The following TCF12 variants were observed in gnomAD, a reference collection of about 807,000 sequenced individuals.
TCF12 encodes the protein transcription factor 12, also known as DNA-binding protein HTF4.
In TCF12, 45 loss-of-function variants were observed where a neutral mutation model predicts 86.0. The observed-to-expected ratio is 0.52, with a 90% CI of 0.41 to 0.67. The LOEUF (loss-of-function observed/expected upper bound fraction) is 0.67. Among genes scored for constraint, TCF12 ranks in the 30% least tolerant of loss-of-function variants. The pLI, the probability that TCF12 is intolerant of heterozygous loss-of-function variation, is 0.00. For synonymous variants in TCF12, 330 were observed against 299.6 expected (o/e 1.10, Z -1.05); for missense variants, 881 against 859.9 (o/e 1.02, Z -0.31).
intron 3 of TCF12, among the ~76,000 whole-genome samples, chr15:56,938,561 G>A (rs781274647): frequency 6.6e-6 from 1 of 151,762 alleles, no homozygotes; most frequent in African/African-American, 2.4e-5. Flanking sequence ...TCTGTCTTAT[G>A]GAATAGTGTG....
chr15:57,008,126 G>A (rs544187717), intron 3 of TCF12, among the ~76,000 whole-genome samples: 2 of 149,412 alleles, frequency 1.3e-5, no homozygotes, highest in South Asian at 4.2e-4. Context: ...AGGCCTGGCT[G>A]ATTTCTTTTT....
At position 57,202,664 on chromosome 15, in the gene TCF12, C is replaced by T. The variant is rs544325533; in HGVS notation, c.579+4839C>T. On this transcript the variant is annotated intron_variant, in intron 8 of 20. Transcript: ENST00000333725. ...TATAGCCAGGATGGTCTCGATCTCCCGACCTCCTGATCCACCTACCTCAGC... is the reference window on the plus strand; with the variant it reads ...TATAGCCAGGATGGTCTCGATCTCCTGACCTCCTGATCCACCTACCTCAGC... 4.0e-5 allele frequency among the ~76,000 whole-genome samples: 6 copies of T among 151,450 alleles called. No individual in the cohort carries two copies. In the South Asian group the frequency reaches 8.4e-4, roughly 21 times the overall value.
At chr15:57,124,859 T>G (rs1051173032) in intron 5 of TCF12, among the ~76,000 whole-genome samples, 2 of 129,620 alleles carry the variant, frequency 1.5e-5, no homozygotes, top group African/African-American at 5.9e-5. Flanking sequence ...TTTTTTGTAT[T>G]TTTAGTAGAG....
At chr15:57,161,172 G>A (rs1289824099) in intron 5 of TCF12, among the ~76,000 whole-genome samples, 1 of 152,172 alleles carries the variant, frequency 6.6e-6, no homozygotes, top group Non-Finnish European at 1.5e-5. Context: ...CACTGTGACT[G>A]CCGATTGTAT....
intron 6 of TCF12, among the ~76,000 whole-genome samples, chr15:57,169,041 G>A (rs2055110373): frequency 1.3e-5 from 2 of 152,048 alleles, no homozygotes; most frequent in African/African-American, 2.4e-5. Flanking sequence ...GGGAGATTCT[G>A]TCTCAAAAAT....
intron 5 of TCF12, among the ~76,000 whole-genome samples, chr15:57,104,435 C>T (rs201668710): frequency 4.6e-3 from 470 of 103,290 alleles, no homozygotes; most frequent in African/African-American, 6.4e-3. Context: ...TTTTTTTTTT[C>T]TTTTTTTTTT....
At chr15:56,962,492 G>C (rs2543680) in intron 3 of TCF12, among the ~76,000 whole-genome samples, 3,780 of 152,262 alleles carry the variant, frequency 0.025, 154 homozygotes, top group African/African-American at 0.086. Context: ...TTTATTGGCA[G>C]TGGGGACAGT....
chr15:57,130,249 A>G (rs1278123986), intron 5 of TCF12, among the ~76,000 whole-genome samples: 1 of 151,830 alleles, frequency 6.6e-6, no homozygotes, highest in African/African-American at 2.4e-5. Context: ...TGGTTGAAGA[A>G]CTCTGGTTTC....
At chr15:57,022,015 C>T (rs1406833650) in intron 3 of TCF12, among the ~76,000 whole-genome samples, 1 of 151,872 alleles carries the variant, frequency 6.6e-6, no homozygotes, top group East Asian at 1.9e-4. Context: ...ATCATAAACC[C>T]TGGTGATCAA....
intron 3 of TCF12, among the ~76,000 whole-genome samples, chr15:57,048,804 T>A (rs1186119207): frequency 6.6e-6 from 1 of 152,120 alleles, no homozygotes. Context: ...TTATATATGG[T>A]GAAATAAGTG....
intron 8 of TCF12, among the ~76,000 whole-genome samples, chr15:57,211,663 A>G (rs1290255925): frequency 6.6e-6 from 1 of 152,184 alleles, no homozygotes; most frequent in Non-Finnish European, 1.5e-5. Context: ...TTATAAAAAT[A>G]CAATTTAAGG....
intron 3 of TCF12, among the ~76,000 whole-genome samples, chr15:56,941,340 C>G (rs573620536): frequency 9.7e-4 from 147 of 151,888 alleles, no homozygotes; most frequent in Admixed American, 2.6e-3. Context: ...GCACTCCAAC[C>G]TGGATGATAG....
chr15:57,042,478 GT>G (rs1255784869), intron 3 of TCF12, among the ~76,000 whole-genome samples: 2 of 152,200 alleles, frequency 1.3e-5, no homozygotes, highest in African/African-American at 4.8e-5. Context: ...GTGTGCCACA[GT>G]CATTGCTCAC....
intron 8 of TCF12, among the ~76,000 whole-genome samples, chr15:57,198,525 C>T (rs1331585021): frequency 2.6e-5 from 4 of 152,076 alleles, no homozygotes; most frequent in Admixed American, 1.3e-4. Context: ...ACTGTAGGGG[C>T]GACTGTGCTA....
chr15:57,118,056 A>G (rs1209453625), intron 5 of TCF12, among the ~76,000 whole-genome samples: 5 of 152,272 alleles, frequency 3.3e-5, no homozygotes, highest in African/African-American at 7.2e-5. Flanking sequence ...ACAATGATCA[A>G]TTTAATTGGC....
intron 18 of TCF12, among the ~76,000 whole-genome samples, chr15:57,264,195 C>CTTTTTTTTTTTTGTTTTTTTT (rs2060730337): frequency 2.0e-5 from 1 of 50,698 alleles, no homozygotes; most frequent in Non-Finnish European, 3.0e-5. Flanking sequence ...CTTTTGTAAG[C>CTTTTTTTTTTTTGTTTTTTTT]TTTTTTTTTT....
intron 8 of TCF12, among the ~76,000 whole-genome samples, chr15:57,230,672 A>T (rs1211847401): frequency 1.3e-5 from 2 of 152,026 alleles, no homozygotes; most frequent in Non-Finnish European, 2.9e-5. Context: ...TTTGATAGTT[A>T]CCCCTTAATA....
chr15:56,949,937 A>G (rs1156797783), intron 3 of TCF12, among the ~76,000 whole-genome samples: 1 of 152,248 alleles, frequency 6.6e-6, no homozygotes, highest in Admixed American at 6.5e-5. Context: ...CTCTAGATTT[A>G]CTTTACAGTA....
chr15:57,184,027 T>C (rs539136440), intron 6 of TCF12, among the ~76,000 whole-genome samples: 1 of 152,282 alleles, frequency 6.6e-6, no homozygotes, highest in South Asian at 2.1e-4. Context: ...AAGAAATAAT[T>C]CACTGGCTAA....
Sources: gnomAD v4.1 joint callset for allele counts (sites outside exome capture counted in the v4.1 genomes callset) on GRCh38, gnomAD v4.1.1 for gene constraint, MANE v1.5 for transcripts, NCBI Gene and HGNC (gene_info 2026-07-23, HGNC 2026-07-21) for gene names.